Variants in POLM observed in about 807,000 individuals in gnomAD.
The protein encoded by POLM is DNA-directed DNA/RNA polymerase mu.
POLM carries 52 observed loss-of-function variants against 56.7 expected under a neutral mutation model. The observed-to-expected ratio is 0.92, with a 90% confidence interval of 0.73 to 1.15. The LOEUF (loss-of-function observed/expected upper bound fraction) is 1.15. Among genes scored for constraint, POLM ranks in the 50% most tolerant of loss-of-function variants. The probability of loss-of-function intolerance (pLI) is 0.00; values close to 1 mark genes in which losing one functional copy is unlikely to be tolerated. For missense variants in POLM, 660 were observed against 663.6 expected, an observed-to-expected ratio of 0.99 and a Z score of 0.06; for synonymous variants, 273 against 274.3, an observed-to-expected ratio of 1.00 and a Z score of 0.05.
In POLM at chr7:44,073,476, G is replaced by GT. The variant is rs749627883; in HGVS notation, c.1399-100dup. On this transcript the variant is annotated intron_variant, in intron 10 of 10. Transcript: ENST00000242248. ...GGGAAGAGCCCAGCGCCGAGGTGGG[G>GT]TGTGCTCTTGAGGGCCAGGAACTGT... 5.1e-6 allele frequency: 8 copies of GT among 1,579,840 alleles called. No homozygotes were observed. In the Admixed American group the frequency reaches 1.4e-4, roughly 28 times the overall value.
In POLM at chr7:44,073,234, G is replaced by C. The variant is rs748498850; in HGVS notation, c.*57C>G. On this transcript the variant is annotated 3_prime_UTR_variant, in exon 11 of 11. Transcript: ENST00000242248. ...CAGCATATCTGCCTGGAGACATTCA[G>C]TGGCCAGGTTGGGGGCAGCCCAATT... 1.3e-4 allele frequency: 216 copies of C among 1,613,896 alleles called. No homozygotes were observed. The highest frequency in any genetic ancestry group is 1.8e-4 in the Non-Finnish European group (214 of 1,179,924).
intron 6 of POLM, chr7:44,076,116 G>A (rs1274842569): frequency 6.2e-6 from 1 of 161,990 alleles, no homozygotes; most frequent in Non-Finnish European, 1.4e-5. Context: ...CCTGGCAAAT[G>A]GTAGATAAGA....
chr7:44,074,610 T>C, intron 6 of POLM, 80 bp from the exon 7 acceptor site: 2 of 1,445,788 alleles, frequency 1.4e-6, no homozygotes, highest in Non-Finnish European at 1.8e-6. Flanking sequence ...CATGAGGTGA[T>C]CAACCTGGGG....
At position 44,080,772 on chromosome 7, in the gene POLM, A is replaced by G. The variant is rs1442235994; in HGVS notation, c.333T>C (p.Ala111=). ...GGCACTCCACAGGTACAGGCTGCCCAGCTCCCAGGCTCTCTGTTAACCAGC... is the reference window on the plus strand; with the variant it reads ...GGCACTCCACAGGTACAGGCTGCCCGGCTCCCAGGCTCTCTGTTAACCAGC... ...DISWLTESLG[A]GQPVPVECRH... is the part of the protein sequence containing the mutation. Residue 111 remains alanine, a synonymous_variant, in exon 2 of 11, where the codon GCT becomes GCC. Coordinates refer to ENST00000242248, the MANE Select transcript of POLM (RefSeq NM_013284.4). The G allele has an allele frequency of 1.2e-6, 2 of 1,613,892 alleles. No homozygotes were observed. Among genetic ancestry groups the G allele is most frequent in the African/African-American group, 2.7e-5 (2 of 74,932 alleles).
intron 7 of POLM, 21 bp from the exon 8 acceptor site, chr7:44,074,254 C>G (rs965057566): frequency 1.3e-5 from 21 of 1,558,312 alleles, no homozygotes; most frequent in Non-Finnish European, 1.7e-5. Context: ...CAGTCTGACT[C>G]TGACTCAGGG....
chr7:44,078,815 G>C lies in POLM; in HGVS notation c.643-4C>G. The C allele has an allele frequency of 6.2e-7, 1 of 1,612,884 alleles. No individual in the cohort carries two copies. Among genetic ancestry groups the C allele is most frequent in the Non-Finnish European group, 8.5e-7 (1 of 1,179,176 alleles). On this transcript the variant is annotated splice_region_variant and splice_polypyrimidine_tract_variant and intron_variant, in intron 4 of 10. Coordinates refer to ENST00000242248, the MANE Select transcript of POLM (RefSeq NM_013284.4). ...ACACTCCATGCTCCAGCAGCTCCTG[G>C]GGGAGGGAACAAAGCAGAACTCTAA...
chr7:44,078,094 C>T (rs1453145197), intron 5 of POLM, among the ~76,000 whole-genome samples: 1 of 152,228 alleles, frequency 6.6e-6, no homozygotes, highest in Admixed American at 6.5e-5. Flanking sequence ...TCAGTGGCAG[C>T]ACCCAAGGGT....
intron 2 of POLM, chr7:44,080,457 G>A: frequency 1.6e-6 from 1 of 631,310 alleles, no homozygotes. Context: ...CATCTACTTG[G>A]TGAGGAAGAA....
intron 1 of POLM, among the ~76,000 whole-genome samples, chr7:44,081,293 A>G (rs781555653): frequency 1.3e-5 from 2 of 152,058 alleles, no homozygotes; most frequent in African/African-American, 2.4e-5. Flanking sequence ...CCTGCCACAT[A>G]CTTGTTTGGC....
At position 44,082,488 on chromosome 7, in the gene POLM, A is replaced by G; in HGVS notation, c.-50T>C. Reference sequence around the variant, plus strand: ...GGAGCGAACGCAGAGGGAAACTCCGAGCGAGACGGAAGGAAGCCCCAGTGA... The same window carrying G: ...GGAGCGAACGCAGAGGGAAACTCCGGGCGAGACGGAAGGAAGCCCCAGTGA... On this transcript the variant is annotated 5_prime_UTR_variant, in exon 1 of 11. Transcript: ENST00000242248. 4 of 750,852 alleles carry G rather than the reference A, an allele frequency of 5.3e-6. No individual in the cohort carries two copies. Among genetic ancestry groups the G allele is most frequent in the Non-Finnish European group, 3.3e-6 (2 of 614,824 alleles). The allele number at this position is 750,852 out of a possible 1,614,324, so 46.5% of individuals were successfully genotyped here.
In POLM at chr7:44,073,386, G is replaced by C. The variant is rs761439998; in HGVS notation, c.1399-9C>G. On this transcript the variant is annotated splice_polypyrimidine_tract_variant and intron_variant, in intron 10 of 10. Coordinates refer to ENST00000242248, the MANE Select transcript of POLM (RefSeq NM_013284.4). ...GCTTGGAAAAATGTCTTCTGCAACA[G>C]AAGCAGGACTTCCGTGACCTAGGAG... is the stretch of plus-strand genomic sequence containing the variant. The C allele has an allele frequency of 3.7e-6, 6 of 1,613,112 alleles. No individual in the cohort carries two copies. The Admixed American group carries it at 8.3e-5, about 22-fold the overall frequency.
chr7:44,079,440 G>C, intron 4 of POLM, 131 bp downstream of exon 4: 1 of 795,692 alleles, frequency 1.3e-6, no homozygotes, highest in Non-Finnish European at 2.0e-6. Flanking sequence ...GTGGCTTGTT[G>C]AGGCCTTGGA....
In POLM at chr7:44,072,283, G is replaced by A. The variant is rs2096170700; in HGVS notation, c.*1008C>T. 6.6e-6 allele frequency: 1 copy of A among 152,214 alleles called. No homozygotes were observed. Among genetic ancestry groups the A allele is most frequent in the African/African-American group, 2.4e-5 (1 of 41,454 alleles). 9.4% of individuals were successfully genotyped at this position (152,214 alleles called of 1,614,324 possible). On this transcript the variant is annotated 3_prime_UTR_variant, in exon 11 of 11. Coordinates refer to ENST00000242248, the MANE Select transcript of POLM (RefSeq NM_013284.4). Reference sequence around the variant, plus strand: ...TTTTCAAAATATTTTTTAATGTGATGAGTGGTCTGGGAAATCCTCGCCTAA... The same window carrying A: ...TTTTCAAAATATTTTTTAATGTGATAAGTGGTCTGGGAAATCCTCGCCTAA...
intron 2 of POLM, among the ~76,000 whole-genome samples, 177 bp from the exon 3 acceptor site, chr7:44,080,136 AC>A (rs2128803406): frequency 6.6e-6 from 1 of 152,338 alleles, no homozygotes; most frequent in East Asian, 1.9e-4. Context: ...GCCCTGCAGA[AC>A]AGGCTGTGCA....
intron 5 of POLM, 121 bp from the exon 6 acceptor site, chr7:44,076,750 C>G (rs565364749): frequency 8.1e-7 from 1 of 1,240,788 alleles, no homozygotes; most frequent in African/African-American, 1.5e-5. Flanking sequence ...CGTCCCCACT[C>G]GCAACCTGCC....
At chr7:44,080,441 C>T in intron 2 of POLM, 2 of 606,732 alleles carry the variant, frequency 3.3e-6, no homozygotes, top group East Asian at 3.6e-5. Flanking sequence ...CTCGGAGTTG[C>T]TGTGTCATCT....
Position 44,079,095 on chromosome 7 carries a change from ATC to A in POLM, c.643-286_643-285del, listed in dbSNP as rs1448958472. ...GCTGAGATGCCAGGTAACGTGGATC[ATC>A]TCTCAGTCAAATAAGTCCCAAGATA... On this transcript the variant is annotated intron_variant, in intron 4 of 10. Coordinates refer to ENST00000242248, the MANE Select transcript of POLM (RefSeq NM_013284.4). Among the ~76,000 whole-genome samples, 5 of 152,228 alleles carry A rather than the reference ATC, an allele frequency of 3.3e-5. No individual in the cohort carries two copies. The East Asian group carries it at 9.6e-4, about 29-fold the overall frequency.
In POLM at chr7:44,076,499, G is replaced by T; in HGVS notation, c.835+10C>A. 1.2e-6 allele frequency: 2 copies of T among 1,613,884 alleles called. No homozygotes were observed. The highest frequency in any genetic ancestry group is 1.7e-6 in the Non-Finnish European group (2 of 1,179,954). On this transcript the variant is annotated intron_variant, in intron 6 of 10. Transcript: ENST00000242248. ...GGAAGCCCAGGGCCCAGCCTCTCTGGAGGGCTCACCCGCTTTCTGCTGTTG... is the reference window on the plus strand; with the variant it reads ...GGAAGCCCAGGGCCCAGCCTCTCTGTAGGGCTCACCCGCTTTCTGCTGTTG...
chr7:44,081,998 G>A (rs984751891), intron 1 of POLM, among the ~76,000 whole-genome samples: 4 of 152,128 alleles, frequency 2.6e-5, no homozygotes, highest in African/African-American at 4.8e-5. Flanking sequence ...GCCCGCCTCG[G>A]CCTCCCAAAG....
Sources: allele counts gnomAD v4.1 joint callset (sites outside exome capture counted in the v4.1 genomes callset), GRCh38; gene constraint gnomAD v4.1.1; transcripts MANE v1.5; gene names NCBI Gene and HGNC (gene_info 2026-07-23, HGNC 2026-07-21).